Variants in ZC3H7A observed in about 807,000 individuals in gnomAD.
ZC3H7A encodes zinc finger CCCH-type containing 7A.
In ZC3H7A, 44 loss-of-function variants were observed where a neutral mutation model predicts 125.5. The observed-to-expected ratio is 0.35, with a 90% CI of 0.28 to 0.45. ZC3H7A has a LOEUF of 0.45. Among genes scored for constraint, ZC3H7A ranks in the 20% least tolerant of loss-of-function variants. ZC3H7A has a pLI of 1.00. For missense variants in ZC3H7A, 977 were observed against 1,170.7 expected, an observed-to-expected ratio of 0.83 and a Z score of 2.41; for synonymous variants, 399 against 391.2, an observed-to-expected ratio of 1.02 and a Z score of -0.23.
chr16:11,763,308 C>G, intron 16 of ZC3H7A, 170 bp downstream of exon 16: 1 of 510,208 alleles, frequency 2.0e-6, no homozygotes, highest in Non-Finnish European at 3.2e-6. Flanking sequence ...GGGATTTTGC[C>G]GTACTGGCCA....
intron 19 of ZC3H7A, among the ~76,000 whole-genome samples, 155 bp downstream of exon 19, chr16:11,761,251 C>A (rs2052747682): frequency 6.6e-6 from 1 of 152,024 alleles, no homozygotes; most frequent in East Asian, 1.9e-4. Context: ...CATACATATA[C>A]TAAAGGGAAG....
At chr16:11,779,993 C>A (rs1191852734) in intron 3 of ZC3H7A, among the ~76,000 whole-genome samples, 1 of 151,802 alleles carries the variant, frequency 6.6e-6, no homozygotes, top group African/African-American at 2.4e-5. Flanking sequence ...AGGTCATTTA[C>A]TGATTTGGGG....
chr16:11,796,807 A>C (rs925157145), intron 1 of ZC3H7A: 1 of 151,988 alleles, frequency 6.6e-6, no homozygotes, highest in African/African-American at 2.4e-5. Flanking sequence ...AATAACCAAA[A>C]AAAAAATTTT....
chr16:11,766,098 GAA>G (rs5815653), intron 13 of ZC3H7A, among the ~76,000 whole-genome samples: 6 of 142,018 alleles, frequency 4.2e-5, no homozygotes, highest in African/African-American at 7.7e-5. Flanking sequence ...CACCTCAGCT[GAA>G]AAAAAAAAAA....
At chr16:11,791,550 G>A (rs1294118531) in intron 1 of ZC3H7A, among the ~76,000 whole-genome samples, 1 of 152,182 alleles carries the variant, frequency 6.6e-6, no homozygotes, top group African/African-American at 2.4e-5. Context: ...TCTGGGTCCA[G>A]CTCAACAAAT....
intron 21 of ZC3H7A, among the ~76,000 whole-genome samples, chr16:11,754,320 A>AG (rs143957663): frequency 6.9e-6 from 1 of 144,042 alleles, no homozygotes; most frequent in African/African-American, 2.5e-5. Context: ...GAAGAAAAAA[A>AG]AATATATATA....
intron 9 of ZC3H7A, among the ~76,000 whole-genome samples, chr16:11,773,662 C>G (rs1258399544): frequency 6.6e-6 from 1 of 151,750 alleles, no homozygotes; most frequent in Non-Finnish European, 1.5e-5. Flanking sequence ...GCGGGTGGAT[C>G]ACGAGGTCAG....
At chr16:11,755,147 T>C (rs1597531228) in intron 21 of ZC3H7A, among the ~76,000 whole-genome samples, 2 of 150,378 alleles carry the variant, frequency 1.3e-5, no homozygotes, top group Non-Finnish European at 3.0e-5. Flanking sequence ...GAGGCGGAGG[T>C]TGCAGTGAGC....
chr16:11,762,135 A>G lies in ZC3H7A; in HGVS notation c.2080-92T>C, dbSNP rs899600396. Reference sequence around the variant, plus strand: ...TAAATCAAGATGCATTTTTTTCACAATAGTATACAATTTCCCATTTTTATC... The same window carrying G: ...TAAATCAAGATGCATTTTTTTCACAGTAGTATACAATTTCCCATTTTTATC... On this transcript the variant is annotated intron_variant, in intron 17 of 22. Transcript: ENST00000355758. 12 of 1,282,288 alleles carry G rather than the reference A, an allele frequency of 9.4e-6. No individual in the cohort carries two copies. The African/African-American group carries it at 1.8e-4, about 20-fold the overall frequency. The allele number at this position is 1,282,288 out of a possible 1,614,324, so 79.4% of individuals were successfully genotyped here. A position where few individuals can be genotyped will look rare whatever the true frequency, so the allele number is the denominator to read the frequency against.
intron 5 of ZC3H7A, 86 bp from the exon 6 acceptor site, chr16:11,776,618 A>G: frequency 7.3e-6 from 11 of 1,499,036 alleles, no homozygotes; most frequent in Non-Finnish European, 9.9e-6. Context: ...TTTCCCATCA[A>G]GACACCTGCT....
intron 21 of ZC3H7A, chr16:11,753,839 G>A (rs2052590831): frequency 6.6e-6 from 1 of 152,154 alleles, no homozygotes; most frequent in Non-Finnish European, 1.5e-5. Context: ...TAGTGGAGAA[G>A]GGGTTTCACC....
intron 20 of ZC3H7A, among the ~76,000 whole-genome samples, chr16:11,757,691 G>C (rs1218720207): frequency 6.6e-6 from 1 of 152,008 alleles, no homozygotes; most frequent in Non-Finnish European, 1.5e-5. Context: ...CAAAAGCCTG[G>C]TGCGCAAGGG....
Position 11,768,295 on chromosome 16 carries a change from C to T in ZC3H7A, c.1360+20G>A, listed in dbSNP as rs550992810. Reference sequence around the variant, plus strand: ...TGAGCAAGTAGTTTAATACTCTCTGCGTGTTTGTTTGGTCCTGACCTGATT... The same window carrying T: ...TGAGCAAGTAGTTTAATACTCTCTGTGTGTTTGTTTGGTCCTGACCTGATT... On this transcript the variant is annotated intron_variant, in intron 12 of 22. Coordinates refer to ENST00000355758, the MANE Select transcript of ZC3H7A (RefSeq NM_014153.4). 87 of 1,456,046 alleles carry T rather than the reference C, an allele frequency of 6.0e-5. No individual in the cohort carries two copies. The highest frequency in any genetic ancestry group is 5.5e-4 in the Middle Eastern group (3 of 5,430). 90.2% of individuals were successfully genotyped at this position (1,456,046 alleles called of 1,614,324 possible). A position where few individuals can be genotyped will look rare whatever the true frequency, so the allele number is the denominator to read the frequency against.
At chr16:11,752,643 T>A (rs936732790) in intron 22 of ZC3H7A, 26 bp downstream of exon 22, 3 of 1,588,520 alleles carry the variant, frequency 1.9e-6, no homozygotes, top group East Asian at 2.3e-5. Flanking sequence ...AATTCTGACA[T>A]GGAAAAATTG....
chr16:11,769,722 A>AAAAAAAAAAAAAAAAAAC (rs1286771744), intron 10 of ZC3H7A, among the ~76,000 whole-genome samples: 1 of 147,140 alleles, frequency 6.8e-6, no homozygotes, highest in Non-Finnish European at 1.5e-5. Flanking sequence ...AAAAAAAAAA[A>AAAAAAAAAAAAAAAAAAC]AAAAAAAGCA....
intron 16 of ZC3H7A, 172 bp from the exon 17 acceptor site, chr16:11,762,919 A>G: frequency 1.8e-6 from 1 of 562,392 alleles, no homozygotes; most frequent in Non-Finnish European, 3.1e-6. Context: ...ATATACACAA[A>G]TACAGCTCTT....
chr16:11,794,007 C>G (rs768862731), intron 1 of ZC3H7A, among the ~76,000 whole-genome samples: 1 of 152,158 alleles, frequency 6.6e-6, no homozygotes, highest in Non-Finnish European at 1.5e-5. Flanking sequence ...GAAGAGGCTC[C>G]GCCTGCCAAG....
intron 1 of ZC3H7A, among the ~76,000 whole-genome samples, chr16:11,786,682 GA>G (rs2053261964): frequency 6.6e-6 from 1 of 152,148 alleles, no homozygotes; most frequent in South Asian, 2.1e-4. Context: ...GGCAATATTT[GA>G]ATATAATATG....
In ZC3H7A at chr16:11,774,998, C is replaced by T. The variant is rs1278310658; in HGVS notation, c.601G>A (p.Val201Met). 4 of 1,614,156 alleles carry T rather than the reference C, an allele frequency of 2.5e-6. No homozygotes were observed. The highest frequency in any genetic ancestry group is 1.3e-5 in the African/African-American group (1 of 75,056). Residue 201 changes from valine (V) to methionine (M), a missense_variant, in exon 8 of 23, where the codon GTG becomes ATG. Transcript: ENST00000355758. ...AACATACCTGGCTCAATATCTTCCA[C>T]AGAATGGTTCAAAGCCTAGAAATTA... ...DGATKALNHS[V>M]EDIEPDLLTP...
Sources: gnomAD v4.1 joint callset for allele counts (sites outside exome capture counted in the v4.1 genomes callset) on GRCh38, gnomAD v4.1.1 for gene constraint, MANE v1.5 for transcripts, NCBI Gene and HGNC (gene_info 2026-07-23, HGNC 2026-07-21) for gene names.